The following CACNA1E variants were observed in gnomAD, a reference collection of about 807,000 sequenced individuals.
The protein encoded by CACNA1E is calcium voltage-gated channel subunit alpha1 E, also known as voltage-dependent R-type calcium channel subunit alpha-1E.
A neutral mutation model predicts 259.2 loss-of-function variants in CACNA1E; 40 were observed. That is an observed-to-expected ratio of 0.15 (90% CI 0.12 to 0.20). CACNA1E has a LOEUF of 0.20. CACNA1E is among the 10% of genes least tolerant of loss of function. The probability of loss-of-function intolerance (pLI) is 1.00; values close to 1 mark genes in which losing one functional copy is unlikely to be tolerated. For synonymous variants in CACNA1E, 1,104 were observed against 1,138.5 expected (o/e 0.97, Z 0.61); for missense variants, 1,874 against 3,040.1 (o/e 0.62, Z 9.02).
Position 181,776,385 on chromosome 1 carries a change from A to C in CACNA1E, c.5267+157A>C. 1 of 694,750 alleles carries C rather than the reference A, an allele frequency of 1.4e-6. No homozygotes were observed. The highest frequency in any genetic ancestry group is 2.4e-6 in the Non-Finnish European group (1 of 408,522). The allele number at this position is 694,750 out of a possible 1,614,324, so 43.0% of individuals were successfully genotyped here. A position where few individuals can be genotyped will look rare whatever the true frequency, so the allele number is the denominator to read the frequency against. Reference sequence around the variant, plus strand: ...GGCCCATAGAAGAGGCTCTGGTATCAAGCCAGTCACCAAGGACTTCTGTAT... The same window carrying C: ...GGCCCATAGAAGAGGCTCTGGTATCCAGCCAGTCACCAAGGACTTCTGTAT... On this transcript the variant is annotated intron_variant, in intron 38 of 47. Coordinates refer to ENST00000367573, the MANE Select transcript of CACNA1E (RefSeq NM_001205293.3). The surrounding 1 kb of genome is among the most constrained non-coding windows in gnomAD (Gnocchi z 4.4).
rs1659948482 is a variant in CACNA1E, at chr1:181,776,068, C to T, written c.5140-33C>T. On this transcript the variant is annotated intron_variant, in intron 37 of 47. Coordinates refer to ENST00000367573, the MANE Select transcript of CACNA1E (RefSeq NM_001205293.3). This position sits in a 1 kb window ranked among gnomAD's most constrained non-coding sequence, Gnocchi z 4.4. ...GCTTCCTGAGCTCTGCTTTAGGTTT[C>T]CCCTAACCCCTCTTCTTCCCCTTGC... 3.1e-6 allele frequency: 5 copies of T among 1,599,370 alleles called. No individual in the cohort carries two copies. Among genetic ancestry groups the T allele is most frequent in the South Asian group, 2.3e-5 (2 of 87,936 alleles).
chr1:181,684,743 C>T (rs780132569), intron 7 of CACNA1E, among the ~76,000 whole-genome samples: 1 of 152,048 alleles, frequency 6.6e-6, no homozygotes, highest in Admixed American at 6.6e-5. Context: ...GAGTCTTTCC[C>T]TATTGCTTCT....
intron 35 of CACNA1E, among the ~76,000 whole-genome samples, chr1:181,770,412 T>C (rs1005241102): frequency 1.3e-5 from 2 of 152,200 alleles, no homozygotes; most frequent in Admixed American, 6.5e-5. Context: ...ACTCAGTCTC[T>C]GTGGATAAAG....
intron 6 of CACNA1E, among the ~76,000 whole-genome samples, chr1:181,593,693 C>T (rs1306870465): frequency 6.6e-6 from 1 of 152,118 alleles, no homozygotes; most frequent in East Asian, 1.9e-4. Flanking sequence ...CACCCACCAC[C>T]ACACCCAGCT....
chr1:181,692,991 T>C (rs1402647177), intron 7 of CACNA1E, among the ~76,000 whole-genome samples: 1 of 151,458 alleles, frequency 6.6e-6, no homozygotes, highest in Non-Finnish European at 1.5e-5. Context: ...GCAAAGGACA[T>C]GAAAAGCACT....
intron 7 of CACNA1E, among the ~76,000 whole-genome samples, chr1:181,660,720 G>C (rs1450840312): frequency 6.6e-6 from 1 of 152,188 alleles, no homozygotes. Context: ...CAGTGTTCCA[G>C]ATGAGATCTC....
chr1:181,411,218 A>C (rs950527551), intron 1 of CACNA1E, among the ~76,000 whole-genome samples: 1 of 152,188 alleles, frequency 6.6e-6, no homozygotes, highest in African/African-American at 2.4e-5. Flanking sequence ...TGCTGTGGGG[A>C]CTAGCAATGT....
At chr1:181,370,687 G>A (rs926434920) in intron 1 of CACNA1E, among the ~76,000 whole-genome samples, 3 of 152,102 alleles carry the variant, frequency 2.0e-5, no homozygotes, top group African/African-American at 7.2e-5. Context: ...TCATTGGTGG[G>A]CATCCAGGTT....
chr1:181,351,504 A>T (rs956421029), intron 1 of CACNA1E, among the ~76,000 whole-genome samples: 11 of 152,126 alleles, frequency 7.2e-5, no homozygotes, highest in African/African-American at 2.4e-4. Flanking sequence ...AATTACTACA[A>T]ACTTCATGGC....
At chr1:181,543,809 G>C (rs544455042) in intron 3 of CACNA1E, among the ~76,000 whole-genome samples, 1 of 152,264 alleles carries the variant, frequency 6.6e-6, no homozygotes, top group African/African-American at 2.4e-5. Context: ...CACCCATTAG[G>C]GTGGTTACAA....
At chr1:181,742,964 G>A (rs1330387136) in intron 25 of CACNA1E, among the ~76,000 whole-genome samples, 1 of 152,160 alleles carries the variant, frequency 6.6e-6, no homozygotes, top group East Asian at 1.9e-4. Flanking sequence ...TATTTTAAGT[G>A]TGGGCAGAGC....
At chr1:181,625,826 A>G (rs1030886856) in intron 6 of CACNA1E, among the ~76,000 whole-genome samples, 1 of 152,208 alleles carries the variant, frequency 6.6e-6, no homozygotes, top group Non-Finnish European at 1.5e-5. Flanking sequence ...TTTTTAGTCT[A>G]TCTCAGCCTT....
intron 6 of CACNA1E, among the ~76,000 whole-genome samples, chr1:181,634,626 TC>T (rs1657038440): frequency 6.6e-6 from 1 of 152,216 alleles, no homozygotes; most frequent in Non-Finnish European, 1.5e-5. Flanking sequence ...CCTCTTGCAG[TC>T]CCCATCTTGG....
Position 181,706,622 on chromosome 1 carries a change from A to G in CACNA1E, c.1056-4332A>G, listed in dbSNP as rs147551888. Among the ~76,000 whole-genome samples, 524 of 152,376 alleles carry G rather than the reference A, an allele frequency of 3.4e-3. 2 individuals are homozygous for G. Among genetic ancestry groups the G allele is most frequent in the African/African-American group, 0.011 (438 of 41,596 alleles). On this transcript the variant is annotated intron_variant, in intron 7 of 47. Coordinates refer to ENST00000367573, the MANE Select transcript of CACNA1E (RefSeq NM_001205293.3). ...GTCTCAATGAAAAGGATAGTCCCTTAAAGAAAAACAAAACCCATCTGTTTT... is the reference window on the plus strand; with the variant it reads ...GTCTCAATGAAAAGGATAGTCCCTTGAAGAAAAACAAAACCCATCTGTTTT...
chr1:181,644,838 C>T (rs547206791), intron 6 of CACNA1E, among the ~76,000 whole-genome samples: 1 of 152,144 alleles, frequency 6.6e-6, no homozygotes, highest in Non-Finnish European at 1.5e-5. Context: ...GCAAAAGGGC[C>T]GGGCCATTGA....
At chr1:181,402,612 C>A (rs1050088808) in intron 1 of CACNA1E, among the ~76,000 whole-genome samples, 1 of 152,182 alleles carries the variant, frequency 6.6e-6, no homozygotes, top group African/African-American at 2.4e-5. Context: ...GAAAGTGCTG[C>A]TGACAACAGC....
chr1:181,404,417 TC>T (rs1306374743), intron 1 of CACNA1E, among the ~76,000 whole-genome samples: 1 of 152,196 alleles, frequency 6.6e-6, no homozygotes, highest in Non-Finnish European at 1.5e-5. Flanking sequence ...TAAAAATCCT[TC>T]AGGCCACATT....
intron 2 of CACNA1E, among the ~76,000 whole-genome samples, chr1:181,468,857 G>C (rs1662317105): frequency 6.6e-6 from 1 of 152,130 alleles, no homozygotes. Flanking sequence ...CTCAGGGAAG[G>C]GTTAACAGTC....
In CACNA1E at chr1:181,717,158, A is replaced by G; in HGVS notation, c.1381A>G (p.Lys461Glu). The stretch of plus-strand genomic sequence containing the variant: ...AGACGGGGTCTCTTATTTCCGGCAC[A>G]AGGAAAGGCTTCTGCGCATCTCCAT... The part of the protein sequence containing the change: ...KVDGVSYFRH[K>E]ERLLRISIRH... Residue 461 changes from lysine (K) to glutamate (E), a missense_variant, in exon 11 of 48, where the codon AAG becomes GAG. Physicochemically the swap from Lys to Glu is moderately conservative, Grantham distance 56. Coordinates refer to ENST00000367573, the MANE Select transcript of CACNA1E (RefSeq NM_001205293.3). 2 of 1,614,066 alleles carry G rather than the reference A, an allele frequency of 1.2e-6. No homozygotes were observed. Among genetic ancestry groups the G allele is most frequent in the Non-Finnish European group, 1.7e-6 (2 of 1,179,902 alleles).
Sources: gnomAD v4.1 joint callset for allele counts (sites outside exome capture counted in the v4.1 genomes callset) on GRCh38, gnomAD v4.1.1 for gene constraint, Gnocchi (gnomAD v3.1) non-coding constraint, MANE v1.5 for transcripts, NCBI Gene and HGNC (gene_info 2026-07-23, HGNC 2026-07-21) for gene names.